Variants in WWOX observed in about 807,000 individuals in gnomAD.
WWOX encodes WW domain containing oxidoreductase, also known as WW domain-containing oxidoreductase.
A neutral mutation model predicts 46.2 loss-of-function variants in WWOX; 69 were observed. That is an observed-to-expected ratio of 1.49 (90% confidence interval 1.23 to 1.82). The LOEUF is 1.82. Among genes scored for constraint, WWOX ranks in the 40% most tolerant of loss-of-function variants. The pLI is 0.00. For missense variants in WWOX, 919 were observed against 542.6 expected, an observed-to-expected ratio of 1.69 and a Z score of -6.89; for synonymous variants, 359 against 202.6, an observed-to-expected ratio of 1.77 and a Z score of -6.56.
At chr16:79,208,890 T>C (rs1251003077) in intron 8 of WWOX, among the ~76,000 whole-genome samples, 2 of 152,156 alleles carry the variant, frequency 1.3e-5, no homozygotes, top group East Asian at 1.9e-4. Flanking sequence ...CAACAAGATA[T>C]TGTTACTGCT....
intron 5 of WWOX, among the ~76,000 whole-genome samples, chr16:78,368,529 A>G (rs982944084): frequency 2.0e-5 from 3 of 152,214 alleles, no homozygotes; most frequent in Non-Finnish European, 2.9e-5. Context: ...AGCTCTTCCC[A>G]TAGAGAACAT....
intron 8 of WWOX, among the ~76,000 whole-genome samples, chr16:78,778,384 G>A (rs1334632376): frequency 6.6e-6 from 1 of 152,168 alleles, no homozygotes; most frequent in Admixed American, 6.5e-5. Context: ...GTGACAGCAA[G>A]ACCACAAACT....
chr16:78,964,697 A>G (rs958459682), intron 8 of WWOX, among the ~76,000 whole-genome samples: 1 of 152,244 alleles, frequency 6.6e-6, no homozygotes, highest in African/African-American at 2.4e-5. Context: ...CTCGAAGACC[A>G]TGAGGAAAAT....
At chr16:78,540,943 C>T (rs1376813388) in intron 8 of WWOX, among the ~76,000 whole-genome samples, 1 of 152,096 alleles carries the variant, frequency 6.6e-6, no homozygotes, top group East Asian at 1.9e-4. Context: ...GCCTTGAGCT[C>T]CCGAAGCGCT....
At chr16:78,438,290 G>C (rs967769713) in intron 8 of WWOX, among the ~76,000 whole-genome samples, 1 of 152,130 alleles carries the variant, frequency 6.6e-6, no homozygotes, top group South Asian at 2.1e-4. Flanking sequence ...TCAAGAAAAT[G>C]ATATACCAGC....
At chr16:78,720,915 C>G (rs574856115) in intron 8 of WWOX, among the ~76,000 whole-genome samples, 1 of 152,128 alleles carries the variant, frequency 6.6e-6, no homozygotes, top group African/African-American at 2.4e-5. Context: ...CCTCCCCCAT[C>G]CTCAGGATGA....
At chr16:79,005,944 T>C (rs1392191545) in intron 8 of WWOX, among the ~76,000 whole-genome samples, 2 of 152,134 alleles carry the variant, frequency 1.3e-5, no homozygotes, top group Non-Finnish European at 2.9e-5. Context: ...CCATCCATAC[T>C]CTGGTTACCC....
chr16:78,668,903 A>G (rs1369097335), intron 8 of WWOX, among the ~76,000 whole-genome samples: 1 of 152,152 alleles, frequency 6.6e-6, no homozygotes, highest in Admixed American at 6.5e-5. Context: ...TCGGGCCTCC[A>G]CATAGGGTAT....
intron 5 of WWOX, among the ~76,000 whole-genome samples, chr16:78,333,954 C>A (rs1274404002): frequency 1.3e-5 from 2 of 152,174 alleles, no homozygotes; most frequent in African/African-American, 4.8e-5. Context: ...GCGTGATCCA[C>A]TGATGGTAAA....
intron 8 of WWOX, among the ~76,000 whole-genome samples, chr16:78,806,990 A>G (rs182766995): frequency 6.6e-6 from 1 of 152,336 alleles, no homozygotes; most frequent in Admixed American, 6.5e-5. Flanking sequence ...TAGCATGCTC[A>G]TCTATGAAAT....
In WWOX at chr16:78,951,106, A is replaced by C. The variant is rs150131138; in HGVS notation, c.1057-260502A>C. On this transcript the variant is annotated intron_variant, in intron 8 of 8. Coordinates refer to ENST00000566780, the MANE Select transcript of WWOX (RefSeq NM_016373.4). ...TTATTTTCCATTGCCAGTAACAAACACAGCCCTAACTTGCTTAGACCAAAG... is the reference window on the plus strand; with the variant it reads ...TTATTTTCCATTGCCAGTAACAAACCCAGCCCTAACTTGCTTAGACCAAAG... 2.9e-3 allele frequency among the ~76,000 whole-genome samples: 437 copies of C among 152,346 alleles called. 4 individuals are homozygous for C. The highest frequency in any genetic ancestry group is 0.01 in the African/African-American group (427 of 41,572).
chr16:78,549,389 A>G (rs2044123240), intron 8 of WWOX, among the ~76,000 whole-genome samples: 2 of 152,198 alleles, frequency 1.3e-5, no homozygotes, highest in African/African-American at 4.8e-5. Context: ...AGGTTTTTAG[A>G]CAGAATATCA....
chr16:78,418,799 C>T, intron 6 of WWOX, among the ~76,000 whole-genome samples: 1 of 152,040 alleles, frequency 6.6e-6, no homozygotes, highest in East Asian at 1.9e-4. Context: ...TTTCTCAACT[C>T]AATAAAGGGC....
chr16:78,717,052 A>G (rs559286867), intron 8 of WWOX, among the ~76,000 whole-genome samples: 17 of 152,296 alleles, frequency 1.1e-4, no homozygotes, highest in Admixed American at 5.9e-4. Flanking sequence ...TTTTCTCTGA[A>G]AAGTTTAAAA....
intron 8 of WWOX, among the ~76,000 whole-genome samples, chr16:78,440,762 G>A (rs964483324): frequency 2.0e-5 from 3 of 151,612 alleles, no homozygotes; most frequent in African/African-American, 7.3e-5. Flanking sequence ...GGGATTACAA[G>A]CACTGGCCAC....
At chr16:79,062,682 C>T (rs962566127) in intron 8 of WWOX, among the ~76,000 whole-genome samples, 1 of 152,128 alleles carries the variant, frequency 6.6e-6, no homozygotes, top group Middle Eastern at 3.2e-3. Flanking sequence ...AGCTTCCTTT[C>T]CTATTTCCCT....
intron 6 of WWOX, among the ~76,000 whole-genome samples, chr16:78,419,441 A>G (rs555488087): frequency 3.9e-5 from 6 of 152,198 alleles, no homozygotes; most frequent in South Asian, 2.1e-4. Flanking sequence ...GAATAGATCT[A>G]TAGATAATAA....
Position 78,406,578 on chromosome 16 carries a change from T to C in WWOX, c.606-18292T>C, listed in dbSNP as rs564826157. 2.2e-3 allele frequency among the ~76,000 whole-genome samples: 330 copies of C among 150,888 alleles called. 2 individuals carry two copies. The highest frequency in any genetic ancestry group is 3.2e-3 in the Non-Finnish European group (218 of 67,764). On this transcript the variant is annotated intron_variant, in intron 6 of 8. Coordinates refer to ENST00000566780, the MANE Select transcript of WWOX (RefSeq NM_016373.4). Reference sequence around the variant, plus strand: ...GTTGGCGAGGATGGTCTCAGTCTCCTGACCTCGTGATCCGCCTGCCTTGGC... The same window carrying C: ...GTTGGCGAGGATGGTCTCAGTCTCCCGACCTCGTGATCCGCCTGCCTTGGC...
chr16:78,956,547 T>G (rs542156747), intron 8 of WWOX, among the ~76,000 whole-genome samples: 6 of 152,250 alleles, frequency 3.9e-5, no homozygotes, highest in Admixed American at 6.5e-5. Context: ...ATATATATTC[T>G]GTGGGTTTTC....
Sources: gnomAD v4.1 joint callset for allele counts (sites outside exome capture counted in the v4.1 genomes callset) on GRCh38, gnomAD v4.1.1 for gene constraint, MANE v1.5 for transcripts, NCBI Gene and HGNC (gene_info 2026-07-23, HGNC 2026-07-21) for gene names.